Variants in SYT14 observed in about 807,000 individuals in gnomAD.
The protein encoded by SYT14 is synaptotagmin 14.
SYT14 carries 32 observed loss-of-function variants against 74.2 expected under a neutral mutation model. The observed-to-expected ratio is 0.43, with a 90% CI of 0.33 to 0.58. SYT14 has a LOEUF of 0.58. Ranked by LOEUF, SYT14 falls within the 20% of genes least tolerant of loss-of-function variation. SYT14 has a pLI of 0.05. For synonymous variants in SYT14, 298 were observed against 337.7 expected, an observed-to-expected ratio of 0.88 and a Z score of 1.29; for missense variants, 791 against 981.8, an observed-to-expected ratio of 0.81 and a Z score of 2.60.
At chr1:210,021,401 T>C (rs2080300597) in intron 5 of SYT14, 147 bp downstream of exon 4, 2 of 923,418 alleles carry the variant, frequency 2.2e-6, no homozygotes, top group Admixed American at 2.3e-5. Flanking sequence ...TTATTCAAAT[T>C]TGTATCTTTG....
intron 2 of SYT14, among the ~76,000 whole-genome samples, chr1:209,980,653 G>A (rs755668609): frequency 6.6e-6 from 1 of 152,268 alleles, no homozygotes; most frequent in South Asian, 2.1e-4. Flanking sequence ...TCTAGTTTCA[G>A]TTTTCTGCAT....
Position 210,081,078 on chromosome 1 carries a change from G to A in SYT14, c.1313-13244G>A, listed in dbSNP as rs1466201194. On this transcript the variant is annotated intron_variant, in intron 5 of 9. Coordinates refer to ENST00000637265, the Ensembl canonical transcript of SYT14. ...CCATAGCGCATTGAGGAAATTGCCA[G>A]TGTACGGCTGTGACTGGATTGAGGG... Among the ~76,000 whole-genome samples the A allele has an allele frequency of 3.9e-5, 6 of 152,224 alleles. 1 individual carries two copies. The South Asian group carries it at 8.3e-4, about 21-fold the overall frequency.
intron 5 of SYT14, among the ~76,000 whole-genome samples, chr1:210,043,460 A>G (rs1472075567): frequency 6.6e-6 from 1 of 151,450 alleles, no homozygotes. Flanking sequence ...ATATGTGTGT[A>G]AAAAAAAATA....
chr1:210,159,467 T>C, exon 9 of SYT14: 1 of 1,551,482 alleles, frequency 6.4e-7, no homozygotes, highest in Admixed American at 2.0e-5. Flanking sequence ...GACAGGTTTA[T>C]ATAATCCGAG....
At position 210,107,673 on chromosome 1, in the gene SYT14, A is replaced by G. The variant is rs147235346; in HGVS notation, c.2034+7212A>G. ...ATCAGCAAGGAAGAAATATTTATGT[A>G]AAGTTCAACTATTCATTTTATTTCA... On this transcript the variant is annotated intron_variant, in intron 7 of 9. Transcript: ENST00000637265. 8.7e-3 allele frequency among the ~76,000 whole-genome samples: 1,331 copies of G among 152,306 alleles called. 19 individuals carry two copies. The highest frequency in any genetic ancestry group is 0.03 in the African/African-American group (1,238 of 41,570).
intron 5 of SYT14, among the ~76,000 whole-genome samples, chr1:210,028,494 A>G (rs58752922): frequency 0.016 from 2,404 of 152,116 alleles, 69 homozygotes; most frequent in African/African-American, 0.055. Context: ...TAACTACTCT[A>G]AGTACCTCAT....
chr1:209,966,094 T>A (rs2079153515), intron 2 of SYT14: 1 of 356,034 alleles, frequency 2.8e-6, no homozygotes, highest in Non-Finnish European at 5.5e-6. Flanking sequence ...GTGGTCTCGA[T>A]CGCTTGATCT....
exon 10 of SYT14, chr1:210,161,137 T>C (rs1481633492): frequency 1.5e-6 from 2 of 1,358,994 alleles, no homozygotes; most frequent in African/African-American, 1.4e-5. Context: ...AGCTGTTCTT[T>C]GAAGAATCAT....
At chr1:210,119,939 A>G (rs1201671898) in intron 7 of SYT14, among the ~76,000 whole-genome samples, 1 of 152,214 alleles carries the variant, frequency 6.6e-6, no homozygotes, top group Non-Finnish European at 1.5e-5. Context: ...TCTCTGAGAT[A>G]AAACGGGTGT....
chr1:210,033,428 A>G (rs751572858), intron 5 of SYT14, among the ~76,000 whole-genome samples: 10 of 151,816 alleles, frequency 6.6e-5, no homozygotes, highest in Non-Finnish European at 1.2e-4. Flanking sequence ...AGCAGTCTTC[A>G]TGTGGAGCTC....
intron 7 of SYT14, among the ~76,000 whole-genome samples, chr1:210,108,671 T>C (rs888052616): frequency 6.6e-6 from 1 of 151,624 alleles, no homozygotes; most frequent in Non-Finnish European, 1.5e-5. Flanking sequence ...CATTAATCAA[T>C]GTGTTTGGGA....
exon 10 of SYT14, chr1:210,160,734 T>C (rs1572398095): frequency 6.2e-7 from 1 of 1,613,568 alleles, no homozygotes. Context: ...TTTAGATACA[T>C]ATGTTAAGTT....
chr1:210,131,391 A>C (rs915148586), intron 7 of SYT14, among the ~76,000 whole-genome samples: 1 of 152,080 alleles, frequency 6.6e-6, no homozygotes, highest in Non-Finnish European at 1.5e-5. Flanking sequence ...TATATGTAGA[A>C]CTTGTTATAA....
At chr1:210,052,567 G>A (rs1457792346) in intron 5 of SYT14, among the ~76,000 whole-genome samples, 2 of 149,020 alleles carry the variant, frequency 1.3e-5, no homozygotes, top group Non-Finnish European at 3.0e-5. Flanking sequence ...GGAGGCTGAC[G>A]CAGGAGAATC....
chr1:210,082,522 G>T (rs771693950), intron 5 of SYT14, among the ~76,000 whole-genome samples: 1 of 152,154 alleles, frequency 6.6e-6, no homozygotes, highest in East Asian at 1.9e-4. Flanking sequence ...TGTATTCCCC[G>T]TGAGACTATG....
intron 5 of SYT14, among the ~76,000 whole-genome samples, chr1:210,035,904 A>T (rs538151856): frequency 6.6e-6 from 1 of 151,876 alleles, no homozygotes; most frequent in Non-Finnish European, 1.5e-5. Flanking sequence ...TGTTGGTTCT[A>T]TCTGAATTTG....
In SYT14 at chr1:209,970,680, T is replaced by TA. The variant is rs1558100259; in HGVS notation, c.-486+17924_-486+17925insA. Among the ~76,000 whole-genome samples the TA allele has an allele frequency of 3.5e-4, 24 of 68,084 alleles. 1 individual carries two copies. The highest frequency in any genetic ancestry group is 1.1e-3 in the African/African-American group (23 of 20,410). 44.7% of individuals were successfully genotyped at this position (68,084 alleles called of 152,430 possible). A position where few individuals can be genotyped will look rare whatever the true frequency, so the allele number is the denominator to read the frequency against. ...AGTATGGCTTTTTTTTTTTTTTTTT[T>TA]TTTTTTTTTTTTTTTTTTTTTGAGG... On this transcript the variant is annotated intron_variant, in intron 2 of 9. Coordinates refer to ENST00000637265, the Ensembl canonical transcript of SYT14.
Position 210,065,524 on chromosome 1 carries a change from C to G in SYT14, c.1313-28798C>G, listed in dbSNP as rs983856263. 2.6e-5 allele frequency among the ~76,000 whole-genome samples: 4 copies of G among 151,754 alleles called. No individual in the cohort carries two copies. The East Asian group carries it at 7.7e-4, about 29-fold the overall frequency. Reference sequence around the variant, plus strand: ...TTAAACCTCTTTCCTTTATAAATTACCCAGTCTCAGGTATGTCTTTTTTTT... The same window carrying G: ...TTAAACCTCTTTCCTTTATAAATTAGCCAGTCTCAGGTATGTCTTTTTTTT... On this transcript the variant is annotated intron_variant, in intron 5 of 9. Transcript: ENST00000637265.
At chr1:210,022,718 C>T (rs1051795971) in intron 5 of SYT14, among the ~76,000 whole-genome samples, 1 of 152,060 alleles carries the variant, frequency 6.6e-6, no homozygotes, top group African/African-American at 2.4e-5. Context: ...GCATAGTGTC[C>T]GATAGCTAAT....
Sources: allele counts gnomAD v4.1 joint callset (sites outside exome capture counted in the v4.1 genomes callset), GRCh38; gene constraint gnomAD v4.1.1; transcripts MANE v1.5; gene names NCBI Gene and HGNC (gene_info 2026-07-23, HGNC 2026-07-21).